The following TSHZ2 variants were observed in gnomAD, a reference collection of about 807,000 sequenced individuals.
TSHZ2 encodes the protein teashirt homolog 2.
Under a neutral mutation model 74.4 loss-of-function variants are expected in TSHZ2, and 21 were observed. The ratio of observed to expected loss-of-function variants is 0.28; its 90% CI spans 0.20 to 0.41. The LOEUF is 0.41. TSHZ2 is among the 10% of genes least tolerant of loss of function. The pLI, the probability that TSHZ2 is intolerant of heterozygous loss-of-function variation, is 1.00. For missense variants in TSHZ2, 1,244 were observed against 1,293.5 expected (o/e 0.96, Z 0.59); for synonymous variants, 540 against 515.3 (o/e 1.05, Z -0.65).
intron 2 of TSHZ2, among the ~76,000 whole-genome samples, chr20:53,310,985 AT>A (rs1458701793): frequency 2.6e-5 from 4 of 152,176 alleles, no homozygotes; most frequent in African/African-American, 9.7e-5. Context: ...TGCAAAATTT[AT>A]TTTTGCTGAA....
At chr20:53,046,360 C>T (rs1377398109) in intron 1 of TSHZ2, among the ~76,000 whole-genome samples, 1 of 152,160 alleles carries the variant, frequency 6.6e-6, no homozygotes, top group Admixed American at 6.5e-5. Context: ...TCTTTTCATC[C>T]AGGGCACTCG....
At chr20:53,169,986 C>T (rs1343528511) in intron 1 of TSHZ2, among the ~76,000 whole-genome samples, 1 of 152,062 alleles carries the variant, frequency 6.6e-6, no homozygotes, top group African/African-American at 2.4e-5. Context: ...TTTTTCTGAT[C>T]TGCATACCAC....
In TSHZ2 at chr20:53,067,241, C is replaced by T. The variant is rs374930024; in HGVS notation, c.40+93908C>T. Among the ~76,000 whole-genome samples, 168 of 152,282 alleles carry T rather than the reference C, an allele frequency of 1.1e-3. No homozygotes were observed. In the Middle Eastern group the frequency reaches 0.017, roughly 15 times the overall value. ...ACAAGTGATCCTCCCCCTTGCCCCC[C>T]ATCACATCCTATTCTGCCACATTCT... is the stretch of plus-strand genomic sequence containing the variant. On this transcript the variant is annotated intron_variant, in intron 1 of 2. Coordinates refer to ENST00000371497, the MANE Select transcript of TSHZ2 (RefSeq NM_173485.6).
At chr20:53,129,116 A>G in intron 1 of TSHZ2, among the ~76,000 whole-genome samples, 1 of 152,230 alleles carries the variant, frequency 6.6e-6, no homozygotes, top group Non-Finnish European at 1.5e-5. Flanking sequence ...TTGGTAAAAT[A>G]GTGAAAAATT....
chr20:53,095,295 A>G (rs1212097242), intron 1 of TSHZ2, among the ~76,000 whole-genome samples: 1 of 152,160 alleles, frequency 6.6e-6, no homozygotes, highest in Non-Finnish European at 1.5e-5. Context: ...GAGTAAGTCC[A>G]CCGTCACAGA....
At chr20:53,277,117 A>G (rs1303751334) in intron 2 of TSHZ2, among the ~76,000 whole-genome samples, 7 of 152,202 alleles carry the variant, frequency 4.6e-5, no homozygotes, top group Non-Finnish European at 1.5e-5. Flanking sequence ...ACCTCAGCTC[A>G]GTTGCTTGTA....
At chr20:53,279,496 A>G (rs1352106995) in intron 2 of TSHZ2, among the ~76,000 whole-genome samples, 1 of 152,216 alleles carries the variant, frequency 6.6e-6, no homozygotes, top group Non-Finnish European at 1.5e-5. Flanking sequence ...GATCAGGCCC[A>G]CAGGCAACAG....
At chr20:53,039,414 C>T (rs1255918742) in intron 1 of TSHZ2, among the ~76,000 whole-genome samples, 1 of 152,182 alleles carries the variant, frequency 6.6e-6, no homozygotes, top group Admixed American at 6.5e-5. Context: ...ACACCTGGTA[C>T]AGGTAGATCT....
intron 1 of TSHZ2, among the ~76,000 whole-genome samples, chr20:53,038,144 A>ATCGCACCAC (rs1349694091): frequency 7.5e-6 from 1 of 133,268 alleles, no homozygotes; most frequent in Non-Finnish European, 1.6e-5. Context: ...GTGAGCTGAG[A>ATCGCACCAC]TCGCACCACT....
chr20:53,022,480 C>T (rs1983281814), intron 1 of TSHZ2, among the ~76,000 whole-genome samples: 1 of 152,272 alleles, frequency 6.6e-6, no homozygotes. Context: ...TCAAACTGCC[C>T]TTAAATTTAC....
chr20:53,215,799 C>T (rs938044474), intron 1 of TSHZ2, among the ~76,000 whole-genome samples: 1 of 148,290 alleles, frequency 6.7e-6, no homozygotes, highest in African/African-American at 2.5e-5. Flanking sequence ...ACTCAGGAAG[C>T]GGAGGTTGTG....
At chr20:53,334,906 A>G (rs1395396314) in intron 2 of TSHZ2, among the ~76,000 whole-genome samples, 2 of 151,832 alleles carry the variant, frequency 1.3e-5, no homozygotes. Context: ...CTGGTCTCGA[A>G]CTCCTGACCT....
At chr20:53,027,315 T>C (rs867823465) in intron 1 of TSHZ2, among the ~76,000 whole-genome samples, 1 of 152,230 alleles carries the variant, frequency 6.6e-6, no homozygotes, top group African/African-American at 2.4e-5. Flanking sequence ...CCATATATGC[T>C]CATATATGTA....
At chr20:53,282,453 C>CT (rs1159905742) in intron 2 of TSHZ2, among the ~76,000 whole-genome samples, 1 of 152,178 alleles carries the variant, frequency 6.6e-6, no homozygotes, top group East Asian at 1.9e-4. Flanking sequence ...GCTTTTCTAT[C>CT]TTTTTTCTGA....
At chr20:53,460,892 G>A (rs1985333681) in intron 2 of TSHZ2, among the ~76,000 whole-genome samples, 1 of 152,246 alleles carries the variant, frequency 6.6e-6, no homozygotes, top group Admixed American at 6.5e-5. Context: ...GAGGCAATCT[G>A]CCCGTTCTCA....
intron 1 of TSHZ2, among the ~76,000 whole-genome samples, chr20:53,242,773 G>C (rs1451749304): frequency 1.3e-5 from 2 of 152,192 alleles, no homozygotes; most frequent in African/African-American, 4.8e-5. Context: ...CAGAATCTAA[G>C]TGTTGGATAG....
At chr20:53,393,479 A>T (rs1006925038) in intron 2 of TSHZ2, among the ~76,000 whole-genome samples, 1 of 152,216 alleles carries the variant, frequency 6.6e-6, no homozygotes, top group African/African-American at 2.4e-5. Context: ...TTCCAGATTG[A>T]TGGGAAGATT....
In TSHZ2 at chr20:53,268,744, C is replaced by T. The variant is rs140256549; in HGVS notation, c.*8+12173C>T. Reference sequence around the variant, plus strand: ...AACAAACAATAGTCCCTTCTTCATGCGGGCATGGTGAGGGTTTTAACCCCG... The same window carrying T: ...AACAAACAATAGTCCCTTCTTCATGTGGGCATGGTGAGGGTTTTAACCCCG... On this transcript the variant is annotated intron_variant, in intron 2 of 2. Coordinates refer to ENST00000371497, the MANE Select transcript of TSHZ2 (RefSeq NM_173485.6). Among the ~76,000 whole-genome samples, 69 of 152,284 alleles carry T rather than the reference C, an allele frequency of 4.5e-4. 2 individuals carry two copies. Among genetic ancestry groups the T allele is most frequent in the Admixed American group, 2.9e-3 (45 of 15,300 alleles).
At chr20:53,345,077 G>A (rs745645498) in intron 2 of TSHZ2, among the ~76,000 whole-genome samples, 11 of 152,206 alleles carry the variant, frequency 7.2e-5, no homozygotes, top group Non-Finnish European at 1.5e-4. Flanking sequence ...GAAAAAAAGA[G>A]CATCTAACAC....
Sources: gnomAD v4.1 joint callset for allele counts (sites outside exome capture counted in the v4.1 genomes callset) on GRCh38, gnomAD v4.1.1 for gene constraint, MANE v1.5 for transcripts, NCBI Gene and HGNC (gene_info 2026-07-23, HGNC 2026-07-21) for gene names.